SACS: variants seen among roughly 807,000 people sequenced by gnomAD.
SACS encodes sacsin molecular chaperone.
SACS carries 197 observed loss-of-function variants against 348.0 expected under a neutral mutation model. The ratio of observed to expected loss-of-function variants is 0.57; its 90% CI spans 0.50 to 0.64. The LOEUF is 0.64. Ranked by LOEUF, SACS falls within the 30% of genes least tolerant of loss-of-function variation. The pLI, the probability that SACS is intolerant of heterozygous loss-of-function variation, is 0.00. For missense variants in SACS, 4,999 were observed against 5,360.8 expected, an observed-to-expected ratio of 0.93 and a Z score of 2.11; for synonymous variants, 1,985 against 1,910.6, an observed-to-expected ratio of 1.04 and a Z score of -1.02.
In SACS at chr13:23,332,514, G is replaced by A. The variant is rs931398747; in HGVS notation, c.11362C>T (p.Arg3788Cys). ...AAAGCAACCCCTCGCAACTGAAAAC[G>A]AAATTCCCTTTTTTCTGCACTGAGG... is the stretch of plus-strand genomic sequence containing the variant. ...EFLSAEKREF[R>C]FQLRGVAFVM... The change falls in exon 10 of 10, where the codon CGT becomes TGT. Residue 3788 changes from arginine (R) to cysteine (C), a missense_variant. This residue lies in a region of SACS where 831 missense variants were observed against 941.8 expected (regional missense o/e 0.88). Transcript: ENST00000382292. 12 of 1,613,734 alleles carry A rather than the reference G, an allele frequency of 7.4e-6. No homozygotes were observed. Among genetic ancestry groups the A allele is most frequent in the African/African-American group, 5.3e-5 (4 of 74,866 alleles).
intron 9 of SACS, among the ~76,000 whole-genome samples, chr13:23,351,501 C>A (rs1869957992): frequency 1.3e-5 from 2 of 152,112 alleles, no homozygotes; most frequent in Admixed American, 1.3e-4. Flanking sequence ...AGGGAAAACC[C>A]CCTTCTCTTG....
chr13:23,346,343 ACCATCTTGG>A lies in SACS; in HGVS notation c.2186-4662_2186-4654del, dbSNP rs551095098. On this transcript the variant is annotated intron_variant, in intron 9 of 9. Coordinates refer to ENST00000382292, the MANE Select transcript of SACS (RefSeq NM_014363.6). ...GTATTTTTAGTAGAGACGAGGTTTT[ACCATCTTGG>A]CCAAGCTGGTCTTGAACTCCTGACC... 2.4e-3 allele frequency among the ~76,000 whole-genome samples: 358 copies of A among 152,110 alleles called. 2 individuals are homozygous for A. The highest frequency in any genetic ancestry group is 4.0e-3 in the Non-Finnish European group (272 of 67,984).
In SACS at chr13:23,337,072, A is replaced by G; in HGVS notation, c.6804T>C (p.Phe2268=). The G allele has an allele frequency of 6.2e-7, 1 of 1,613,974 alleles. No homozygotes were observed. Among genetic ancestry groups the G allele is most frequent in the African/African-American group, 1.3e-5 (1 of 75,048 alleles). Residue 2268 remains phenylalanine, a synonymous_variant, in exon 10 of 10, where the codon TTT becomes TTC. Coordinates refer to ENST00000382292, the MANE Select transcript of SACS (RefSeq NM_014363.6). ...QPILNENSHS[F]RGCGSVSLAV... ...CCAATGACACTGAACCACAACCTCTAAAAGAATGGGAATTTTCATTTAGAA... is the reference window on the plus strand; with the variant it reads ...CCAATGACACTGAACCACAACCTCTGAAAGAATGGGAATTTTCATTTAGAA...
In SACS at chr13:23,336,493, G is replaced by A; in HGVS notation, c.7383C>T (p.Leu2461=). The A allele has an allele frequency of 6.2e-7, 1 of 1,614,002 alleles. No individual in the cohort carries two copies. The highest frequency in any genetic ancestry group is 8.5e-7 in the Non-Finnish European group (1 of 1,179,928). The change falls in exon 10 of 10, where the codon CTC becomes CTT. Residue 2461 remains leucine, a synonymous_variant. Transcript: ENST00000382292. ...ILLPDTNLML[L]PAKSLCYNDC... Reference sequence around the variant, plus strand: ...CATTGTAGCATAACGATTTAGCAGGGAGAAGCATAAGATTAGTATCTGGCA... The same window carrying A: ...CATTGTAGCATAACGATTTAGCAGGAAGAAGCATAAGATTAGTATCTGGCA...
intron 1 of SACS, among the ~76,000 whole-genome samples, chr13:23,432,319 T>C (rs918337975): frequency 9.9e-5 from 15 of 152,140 alleles, no homozygotes; most frequent in Admixed American, 5.2e-4. Flanking sequence ...AAATAGGGTA[T>C]GTAGAAAATC....
At chr13:23,398,562 C>T (rs1033270125) in intron 2 of SACS, among the ~76,000 whole-genome samples, 1 of 151,070 alleles carries the variant, frequency 6.6e-6, no homozygotes, top group Non-Finnish European at 1.5e-5. Context: ...GAAATACACT[C>T]GTTTGGTTCA....
chr13:23,355,749 T>G lies in SACS; in HGVS notation c.863A>C (p.Asn288Thr), dbSNP rs554752953. Residue 288 changes from asparagine to threonine, a missense_variant, in exon 8 of 10, where the codon AAT (asparagine) becomes ACT (threonine). Asn to Thr is a moderately conservative substitution (Grantham distance 65). Transcript: ENST00000382292. ...AAACAACTCAAGAACCTTCTGCTTA[T>G]TGTAGAGGTTACTACTAAGTTGTGA... is the stretch of plus-strand genomic sequence containing the variant. ...QPSQLSSNLYNKQKVLELFES... is the reference protein window; with the variant it reads ...QPSQLSSNLYTKQKVLELFES... 1.2e-6 allele frequency: 2 copies of G among 1,614,226 alleles called. No homozygotes were observed. Among genetic ancestry groups the G allele is most frequent in the Admixed American group, 1.7e-5 (1 of 60,032 alleles).
At chr13:23,412,268 A>T (rs995374979) in intron 1 of SACS, among the ~76,000 whole-genome samples, 5 of 152,158 alleles carry the variant, frequency 3.3e-5, no homozygotes, top group African/African-American at 1.2e-4. Context: ...TCTCAAAAAA[A>T]ATAAAATTAG....
rs191209164 is a variant in SACS, at chr13:23,383,407, G to A, written c.21-8138C>T. Reference sequence around the variant, plus strand: ...ATTACCATCAAGTTATTGTATAATCGAGTGTGACTAAATCCCTCCCCAGCA... The same window carrying A: ...ATTACCATCAAGTTATTGTATAATCAAGTGTGACTAAATCCCTCCCCAGCA... On this transcript the variant is annotated intron_variant, in intron 2 of 9. Transcript: ENST00000382292. 1.2e-4 allele frequency among the ~76,000 whole-genome samples: 18 copies of A among 152,052 alleles called. No homozygotes were observed. In the East Asian group the frequency reaches 3.5e-3, roughly 29 times the overall value.
At chr13:23,430,355 A>G (rs991846416) in intron 1 of SACS, among the ~76,000 whole-genome samples, 1 of 152,234 alleles carries the variant, frequency 6.6e-6, no homozygotes, top group Non-Finnish European at 1.5e-5. Context: ...TTGATCAAGT[A>G]AAGCTCTGTT....
chr13:23,418,103 A>G (rs1873758505), intron 1 of SACS, among the ~76,000 whole-genome samples: 1 of 151,862 alleles, frequency 6.6e-6, no homozygotes, highest in African/African-American at 2.4e-5. Flanking sequence ...AAAATTAAGA[A>G]TTTCTGCTCA....
chr13:23,412,045 G>T (rs1254245889), intron 1 of SACS, among the ~76,000 whole-genome samples: 1 of 152,126 alleles, frequency 6.6e-6, no homozygotes, highest in Non-Finnish European at 1.5e-5. Flanking sequence ...AGGTCACAAG[G>T]TCAGGAGATT....
chr13:23,390,861 C>A (rs1420315716), intron 2 of SACS, among the ~76,000 whole-genome samples: 1 of 152,186 alleles, frequency 6.6e-6, no homozygotes, highest in African/African-American at 2.4e-5. Flanking sequence ...GTTGTCATGC[C>A]CCTCATTCAG....
Position 23,341,165 on chromosome 13 carries a change from C to T in SACS, c.2711G>A (p.Arg904Lys), listed in dbSNP as rs775744833. 6.2e-7 allele frequency: 1 copy of T among 1,613,350 alleles called. No individual in the cohort carries two copies. Among genetic ancestry groups the T allele is most frequent in the Non-Finnish European group, 8.5e-7 (1 of 1,180,010 alleles). ...ATCGGTTAAACTAGCCAAGAACTTC[C>T]TCAGGGCATCTTTGTGTGTTGGAAG... ...SLLPTHKDAL[R>K]KFLASLTDSS... is the part of the protein sequence containing the mutation. Residue 904 changes from arginine to lysine, a missense_variant, in exon 10 of 10, where the codon AGG becomes AAG. By Grantham distance (26) the Arg-to-Lys change is conservative. Around this residue, in one of 6 missense-constraint regions of SACS, gnomAD observed 3,156 missense variants for 3,380.1 expected, o/e 0.93. Coordinates refer to ENST00000382292, the MANE Select transcript of SACS (RefSeq NM_014363.6).
intron 2 of SACS, among the ~76,000 whole-genome samples, chr13:23,375,870 T>C (rs918643439): frequency 2.0e-5 from 3 of 152,088 alleles, no homozygotes; most frequent in African/African-American, 7.2e-5. Context: ...GCGTTGTCCC[T>C]TTTAGAGCTC....
chr13:23,426,838 G>C (rs539825212), intron 1 of SACS: 8 of 152,304 alleles, frequency 5.3e-5, no homozygotes, highest in Non-Finnish European at 2.9e-5. Flanking sequence ...ACTTTGAATA[G>C]AATGGGAGGC....
chr13:23,368,983 G>T (rs565833407), intron 4 of SACS, among the ~76,000 whole-genome samples: 6 of 152,154 alleles, frequency 3.9e-5, no homozygotes, highest in South Asian at 2.1e-4. Flanking sequence ...CCAGGCGTGA[G>T]CCACCATGCC....
intron 1 of SACS, among the ~76,000 whole-genome samples, chr13:23,420,251 A>T (rs1203235515): frequency 6.6e-6 from 1 of 152,120 alleles, no homozygotes; most frequent in African/African-American, 2.4e-5. Context: ...CAGATGGGGC[A>T]TAGATTATCT....
At chr13:23,410,298 A>G (rs1445253798) in intron 2 of SACS, among the ~76,000 whole-genome samples, 4 of 152,210 alleles carry the variant, frequency 2.6e-5, no homozygotes, top group Admixed American at 1.3e-4. Context: ...TCAAACCCAT[A>G]AAGTCGTCTC....
Sources: gnomAD v4.1 joint callset for allele counts (sites outside exome capture counted in the v4.1 genomes callset) on GRCh38, gnomAD v4.1.1 for gene constraint, gnomAD v4.1.1 regional missense constraint, MANE v1.5 for transcripts, NCBI Gene and HGNC (gene_info 2026-07-23, HGNC 2026-07-21) for gene names.